The following TOLLIP variants were observed in gnomAD, a reference collection of about 807,000 sequenced individuals.
TOLLIP encodes toll-interacting protein.
A neutral mutation model predicts 33.5 loss-of-function variants in TOLLIP; 16 were observed. The observed-to-expected ratio is 0.48, with a 90% CI of 0.32 to 0.72. TOLLIP has a LOEUF of 0.72. Ranked by LOEUF, TOLLIP falls within the 30% of genes least tolerant of loss-of-function variation. TOLLIP has a pLI of 0.03. For synonymous variants in TOLLIP, 176 were observed against 163.7 expected (o/e 1.07, Z -0.57); for missense variants, 325 against 396.6 (o/e 0.82, Z 1.53).
intron 1 of TOLLIP, among the ~76,000 whole-genome samples, chr11:1,306,746 ACT>A (rs1019342097): frequency 1.3e-5 from 2 of 151,096 alleles, no homozygotes; most frequent in African/African-American, 4.9e-5. Flanking sequence ...GAGCCGGTAA[ACT>A]CCAGGGCAAG....
chr11:1,309,604 C>CGCCGCCGCCACAGTCAGCTGACA lies in TOLLIP; in HGVS notation c.-129_-107dup. On this transcript the variant is annotated 5_prime_UTR_variant, in exon 1 of 6. Transcript: ENST00000317204. ...ACGGAGACAGTTGTCACCTCGAGGC[C>CGCCGCCGCCACAGTCAGCTGACA]GCCGCCGCCACAGTCAGCTGACAGC... is the stretch of plus-strand genomic sequence containing the variant. The CGCCGCCGCCACAGTCAGCTGACA allele has an allele frequency of 2.2e-6, 1 of 445,382 alleles. No individual in the cohort carries two copies. Among genetic ancestry groups the CGCCGCCGCCACAGTCAGCTGACA allele is most frequent in the East Asian group, 4.3e-5 (1 of 23,194 alleles). The allele number at this position is 445,382 out of a possible 1,614,324, so 27.6% of individuals were successfully genotyped here. A position where few individuals can be genotyped will look rare whatever the true frequency, so the allele number is the denominator to read the frequency against.
At chr11:1,285,621 G>A (rs560664704) in intron 5 of TOLLIP, among the ~76,000 whole-genome samples, 11 of 152,276 alleles carry the variant, frequency 7.2e-5, no homozygotes, top group African/African-American at 2.2e-4. Flanking sequence ...CCCAATGGGC[G>A]TGAGGTTCGG....
At chr11:1,297,422 G>A (rs183821506) in intron 1 of TOLLIP, among the ~76,000 whole-genome samples, 12 of 152,284 alleles carry the variant, frequency 7.9e-5, no homozygotes, top group African/African-American at 2.9e-4. Context: ...AAACAGAAGG[G>A]ACCCGGACGA....
intron 1 of TOLLIP, among the ~76,000 whole-genome samples, chr11:1,304,136 C>T (rs1031883216): frequency 5.9e-5 from 9 of 151,892 alleles, no homozygotes; most frequent in African/African-American, 2.2e-4. Context: ...GAAGGAAAGC[C>T]GGAGGAAGGG....
At chr11:1,283,397 ACGCGTCAGTGTCAGCTT>A in intron 5 of TOLLIP, 1 of 370,786 alleles carries the variant, frequency 2.7e-6, no homozygotes, top group Non-Finnish European at 5.3e-6. Context: ...TACAGCCCCA[ACGCGTCAGTGTCAGCTT>A]CATCTAGATG....
At chr11:1,285,679 G>T (rs972567818) in intron 5 of TOLLIP, among the ~76,000 whole-genome samples, 1 of 151,562 alleles carries the variant, frequency 6.6e-6, no homozygotes, top group Non-Finnish European at 1.5e-5. Flanking sequence ...GGGGCGTGAG[G>T]TTCTCCTGCA....
intron 1 of TOLLIP, among the ~76,000 whole-genome samples, chr11:1,306,499 G>A (rs1005331888): frequency 6.6e-6 from 1 of 152,058 alleles, no homozygotes; most frequent in Non-Finnish European, 1.5e-5. Context: ...CTGAGCGAGC[G>A]CCCTGCTTAA....
Position 1,286,103 on chromosome 11 carries a change from G to A in TOLLIP, c.520-11C>T. 6.3e-7 allele frequency: 1 copy of A among 1,584,808 alleles called. No individual in the cohort carries two copies. Among genetic ancestry groups the A allele is most frequent in the Non-Finnish European group, 8.6e-7 (1 of 1,165,944 alleles). On this transcript the variant is annotated splice_polypyrimidine_tract_variant and intron_variant, in intron 4 of 5. Transcript: ENST00000317204. ...GGCAGCTGGAAGCAGCTGAAACACA[G>A]CGGAGATGGTCCCGGGGTCAAGGAG...
chr11:1,282,178 G>A (rs1863524279), intron 5 of TOLLIP, among the ~76,000 whole-genome samples: 1 of 152,208 alleles, frequency 6.6e-6, no homozygotes, highest in South Asian at 2.1e-4. Flanking sequence ...CAGAGAGCCT[G>A]GGGCTTCCTG....
chr11:1,287,022 G>A (rs1014730471), intron 4 of TOLLIP, among the ~76,000 whole-genome samples: 2 of 152,006 alleles, frequency 1.3e-5, no homozygotes, highest in African/African-American at 4.8e-5. Context: ...CTGCGGATAA[G>A]TCACTGCACC....
At chr11:1,286,645 A>G (rs1332128167) in intron 4 of TOLLIP, among the ~76,000 whole-genome samples, 1 of 151,334 alleles carries the variant, frequency 6.6e-6, no homozygotes, top group African/African-American at 2.4e-5. Flanking sequence ...TCCTGAGTTC[A>G]AAACTGTCAA....
chr11:1,276,324 G>C lies in TOLLIP; in HGVS notation c.*715C>G, dbSNP rs1175341584. 9.0e-6 allele frequency: 2 copies of C among 221,412 alleles called. No individual in the cohort carries two copies. The highest frequency in any genetic ancestry group is 1.8e-5 in the Non-Finnish European group (2 of 109,522). 13.7% of individuals were successfully genotyped at this position (221,412 alleles called of 1,614,324 possible). A position where few individuals can be genotyped will look rare whatever the true frequency, so the allele number is the denominator to read the frequency against. ...GGACGGCAGCCTCCGGCGGGCGAAG[G>C]ACCCGGCTTCAGATGCCCGCTGGCT... On this transcript the variant is annotated 3_prime_UTR_variant, in exon 6 of 6. Coordinates refer to ENST00000317204, the MANE Select transcript of TOLLIP (RefSeq NM_019009.4).
rs1384661609 is a variant in TOLLIP, at chr11:1,278,785, G to A, written c.611-1532C>T. On this transcript the variant is annotated intron_variant, in intron 5 of 5. Coordinates refer to ENST00000317204, the MANE Select transcript of TOLLIP (RefSeq NM_019009.4). The surrounding 1 kb of genome is among the most constrained non-coding windows in gnomAD (Gnocchi z 4.7). The stretch of plus-strand genomic sequence containing the variant: ...AACCGAACCATGGCCAGGTGGGGAC[G>A]TGGCCACCCTCACCACCCTTTCTTC... Among the ~76,000 whole-genome samples the A allele has an allele frequency of 1.3e-5, 2 of 152,230 alleles. No homozygotes were observed. The highest frequency in any genetic ancestry group is 1.5e-5 in the Non-Finnish European group (1 of 68,044).
At chr11:1,279,133 C>T (rs1377376907) in intron 5 of TOLLIP, among the ~76,000 whole-genome samples, 2 of 152,230 alleles carry the variant, frequency 1.3e-5, no homozygotes, top group Non-Finnish European at 2.9e-5. Flanking sequence ...TGTGACGCTG[C>T]GACGTCACGG....
chr11:1,300,958 C>T (rs1478519519), intron 1 of TOLLIP, among the ~76,000 whole-genome samples: 3 of 152,252 alleles, frequency 2.0e-5, no homozygotes, highest in Non-Finnish European at 4.4e-5. Context: ...CTGTGTGCCA[C>T]GCATGCACCT....
At chr11:1,299,759 T>G (rs1449523960) in intron 1 of TOLLIP, among the ~76,000 whole-genome samples, 1 of 152,208 alleles carries the variant, frequency 6.6e-6, no homozygotes, top group Non-Finnish European at 1.5e-5. Flanking sequence ...GCCAGTCCCC[T>G]GTCAATGCTC....
In TOLLIP at chr11:1,276,767, T is replaced by C. The variant is rs553698556; in HGVS notation, c.*272A>G. 1 of 1,490,190 alleles carries C rather than the reference T, an allele frequency of 6.7e-7. No homozygotes were observed. Among genetic ancestry groups the C allele is most frequent in the South Asian group, 1.2e-5 (1 of 82,806 alleles). 92.3% of individuals were successfully genotyped at this position (1,490,190 alleles called of 1,614,324 possible). On this transcript the variant is annotated 3_prime_UTR_variant, in exon 6 of 6. Transcript: ENST00000317204. ...AGCAAGAGCATTTTCCAGAACGGCA[T>C]GAGAAGGAGAGACGCACGTCCCAGG...
At chr11:1,279,952 T>TC (rs1187773228) in intron 5 of TOLLIP, among the ~76,000 whole-genome samples, 9 of 152,176 alleles carry the variant, frequency 5.9e-5, no homozygotes, top group Non-Finnish European at 1.3e-4. Flanking sequence ...GGGACGACCG[T>TC]CCAGCTCAGA....
chr11:1,292,849 G>C (rs1020860047), intron 2 of TOLLIP, among the ~76,000 whole-genome samples: 4 of 152,286 alleles, frequency 2.6e-5, no homozygotes, highest in African/African-American at 9.6e-5. Context: ...AGGAGGACCG[G>C]GTATGCGGGC....
Sources: allele counts gnomAD v4.1 joint callset (sites outside exome capture counted in the v4.1 genomes callset), GRCh38; gene constraint gnomAD v4.1.1; non-coding constraint Gnocchi (gnomAD v3.1); transcripts MANE v1.5; gene names NCBI Gene and HGNC (gene_info 2026-07-23, HGNC 2026-07-21).